The following SNCAIP variants were observed in gnomAD, a reference collection of about 807,000 sequenced individuals.
SNCAIP encodes synuclein alpha interacting protein.
Under a neutral mutation model 86.7 loss-of-function variants are expected in SNCAIP, and 43 were observed. The ratio of observed to expected loss-of-function variants is 0.50; its 90% CI spans 0.39 to 0.64. The LOEUF (loss-of-function observed/expected upper bound fraction) is 0.64, where lower values mean the gene tolerates loss of function less well. Ranked by LOEUF, SNCAIP falls within the 30% of genes least tolerant of loss-of-function variation. SNCAIP has a pLI of 0.00. For synonymous variants in SNCAIP, 417 were observed against 427.2 expected, an observed-to-expected ratio of 0.98 and a Z score of 0.29; for missense variants, 981 against 1,103.1, an observed-to-expected ratio of 0.89 and a Z score of 1.57.
intron 1 of SNCAIP, among the ~76,000 whole-genome samples, chr5:122,378,478 C>T (rs1231674194): frequency 1.4e-5 from 2 of 140,932 alleles, no homozygotes; most frequent in East Asian, 2.2e-4. Flanking sequence ...AATTTTCTCT[C>T]ATTTTGTAGG....
intron 1 of SNCAIP, among the ~76,000 whole-genome samples, chr5:122,331,319 G>A (rs1040416177): frequency 6.6e-6 from 1 of 152,134 alleles, no homozygotes; most frequent in African/African-American, 2.4e-5. Context: ...TCATTAAGCA[G>A]TCCCTTTTAC....
chr5:122,457,668 G>C (rs900670231), intron 10 of SNCAIP, among the ~76,000 whole-genome samples: 1 of 151,908 alleles, frequency 6.6e-6, no homozygotes, highest in Admixed American at 6.6e-5. Context: ...TGTGTTCTCT[G>C]TCCTGCCCAC....
At chr5:122,316,368 T>C (rs1192623522) in intron 1 of SNCAIP, among the ~76,000 whole-genome samples, 1 of 152,176 alleles carries the variant, frequency 6.6e-6, no homozygotes, top group Admixed American at 6.5e-5. Context: ...CCAGTAGCAC[T>C]GACTGACAGC....
rs531769969 is a variant in SNCAIP at position 122,444,635 on chromosome 5, C to T, written c.1495C>T (p.Arg499Trp). The T allele has an allele frequency of 6.2e-6, 10 of 1,613,880 alleles. No homozygotes were observed. The highest frequency in any genetic ancestry group is 4.5e-5 in the East Asian group (2 of 44,884). The change falls in exon 8 of 11, where the codon CGG (arginine) becomes TGG (tryptophan). Residue 499 changes from arginine (R) to tryptophan (W), a missense_variant. Transcript: ENST00000261368. ...AGEKPSQSAE[R>W]QGHTLCSRYL... ...GGAAAAGCCCTCCCAGAGCGCCGAG[C>T]GGCAGGGGCACACCCTGTGCTCCAG...
chr5:122,364,806 C>G (rs763921913), intron 1 of SNCAIP, among the ~76,000 whole-genome samples: 1 of 152,094 alleles, frequency 6.6e-6, no homozygotes, highest in Non-Finnish European at 1.5e-5. Flanking sequence ...CTTCTCCCCA[C>G]CTATGCCATT....
Position 122,463,521 on chromosome 5 carries a change from A to C in SNCAIP, c.*25A>C, listed in dbSNP as rs1266600590. ...ATGACATCAATAGAAAAATGAAGAA[A>C]TCCTACAGCATAAAGCACATTGCTG... is the stretch of plus-strand genomic sequence containing the variant. On this transcript the variant is annotated 3_prime_UTR_variant, in exon 11 of 11. Coordinates refer to ENST00000261368, the MANE Select transcript of SNCAIP (RefSeq NM_005460.4). The C allele has an allele frequency of 6.2e-7, 1 of 1,609,320 alleles. No homozygotes were observed. The highest frequency in any genetic ancestry group is 1.3e-5 in the African/African-American group (1 of 74,792).
At chr5:122,340,405 GC>G (rs796756878) in intron 1 of SNCAIP, among the ~76,000 whole-genome samples, 8 of 152,256 alleles carry the variant, frequency 5.3e-5, no homozygotes, top group African/African-American at 1.9e-4. Flanking sequence ...AAGTTGCCTG[GC>G]AAGAATTATT....
At chr5:122,384,401 T>A (rs958715570) in intron 1 of SNCAIP, among the ~76,000 whole-genome samples, 9 of 151,882 alleles carry the variant, frequency 5.9e-5, no homozygotes, top group Non-Finnish European at 1.2e-4. Context: ...AAAAAAAAAA[T>A]GACACAGAGG....
chr5:122,372,214 T>G lies in SNCAIP; in HGVS notation c.-46-18875T>G, dbSNP rs1161882037. On this transcript the variant is annotated intron_variant, in intron 1 of 10. Coordinates refer to ENST00000261368, the MANE Select transcript of SNCAIP (RefSeq NM_005460.4). ...AAATAAAACATCAGCTAATTTCTTA[T>G]TCTAATCTGTATTTTTTTGGTCAGG... is the stretch of plus-strand genomic sequence containing the variant. Among the ~76,000 whole-genome samples the G allele has an allele frequency of 1.7e-4, 26 of 152,218 alleles. 1 individual carries two copies. Among genetic ancestry groups the G allele is most frequent in the Admixed American group, 1.7e-3 (26 of 15,272 alleles).
At position 122,423,463 on chromosome 5, in the gene SNCAIP, G is replaced by C; in HGVS notation, c.726G>C (p.Leu242=). 6.2e-7 allele frequency: 1 copy of C among 1,614,178 alleles called. No individual in the cohort carries two copies. The highest frequency in any genetic ancestry group is 8.5e-7 in the Non-Finnish European group (1 of 1,180,014). Reference sequence around the variant, plus strand: ...AAGAAACCGAGATCTCACCTCCTCTGGTTAAATGTGGCTCTGCATATGAGC... The same window carrying C: ...AAGAAACCGAGATCTCACCTCCTCTCGTTAAATGTGGCTCTGCATATGAGC... The part of the protein sequence containing the change: ...STEETEISPP[L]VKCGSAYEPE... The change falls in exon 4 of 11, where the codon CTG becomes CTC. Residue 242 remains leucine (L), a synonymous_variant. Coordinates refer to ENST00000261368, the MANE Select transcript of SNCAIP (RefSeq NM_005460.4).
intron 1 of SNCAIP, among the ~76,000 whole-genome samples, chr5:122,359,244 A>G (rs571764646): frequency 6.6e-6 from 1 of 151,828 alleles, no homozygotes; most frequent in East Asian, 1.9e-4. Flanking sequence ...GATTCTAGAA[A>G]TGTATTAGAT....
intron 1 of SNCAIP, among the ~76,000 whole-genome samples, chr5:122,365,144 C>A (rs1165118871): frequency 6.6e-6 from 1 of 152,138 alleles, no homozygotes; most frequent in East Asian, 1.9e-4. Flanking sequence ...TTATTTACTC[C>A]TGTGAAATGT....
intron 3 of SNCAIP, among the ~76,000 whole-genome samples, chr5:122,410,988 A>G (rs1417309297): frequency 6.6e-6 from 1 of 152,178 alleles, no homozygotes; most frequent in Non-Finnish European, 1.5e-5. Flanking sequence ...ACAGCAGTGG[A>G]ATTAAGAAAG....
At chr5:122,388,401 G>T (rs1768653827) in intron 1 of SNCAIP, among the ~76,000 whole-genome samples, 1 of 152,160 alleles carries the variant, frequency 6.6e-6, no homozygotes, top group Non-Finnish European at 1.5e-5. Flanking sequence ...CTGAAAGAAG[G>T]CTTATTGGTT....
At chr5:122,316,846 G>C (rs1231431436) in intron 1 of SNCAIP, among the ~76,000 whole-genome samples, 3 of 152,202 alleles carry the variant, frequency 2.0e-5, no homozygotes, top group Non-Finnish European at 4.4e-5. Flanking sequence ...TGCAGCTGCT[G>C]GGCCAGACAG....
chr5:122,363,734 T>A (rs1221339986), intron 1 of SNCAIP, among the ~76,000 whole-genome samples: 1 of 151,724 alleles, frequency 6.6e-6, no homozygotes, highest in Non-Finnish European at 1.5e-5. Context: ...AAATGGGAAA[T>A]TTTTTAAACA....
intron 1 of SNCAIP, among the ~76,000 whole-genome samples, chr5:122,353,889 G>A (rs1253312553): frequency 6.6e-6 from 1 of 152,154 alleles, no homozygotes; most frequent in Non-Finnish European, 1.5e-5. Context: ...GTAGGGGTGA[G>A]CCAGTATGAA....
intron 1 of SNCAIP, chr5:122,371,832 A>T (rs1764331440): frequency 6.6e-6 from 1 of 152,224 alleles, no homozygotes; most frequent in Admixed American, 6.5e-5. Flanking sequence ...GTAAAGAATA[A>T]CACCAACACA....
At chr5:122,403,763 A>G (rs977566067) in intron 2 of SNCAIP, 30 bp from the exon 3 acceptor site, 3 of 1,562,518 alleles carry the variant, frequency 1.9e-6, no homozygotes, top group Admixed American at 1.7e-5. Flanking sequence ...AAATTATTTT[A>G]TGCCCTCTCT....
Sources: allele counts gnomAD v4.1 joint callset (sites outside exome capture counted in the v4.1 genomes callset), GRCh38; gene constraint gnomAD v4.1.1; transcripts MANE v1.5; gene names NCBI Gene and HGNC (gene_info 2026-07-23, HGNC 2026-07-21).